The following PRR14L variants were observed in gnomAD, a reference collection of about 807,000 sequenced individuals.
PRR14L encodes protein PRR14L.
PRR14L carries 80 observed loss-of-function variants against 155.0 expected under a neutral mutation model. The ratio of observed to expected loss-of-function variants is 0.52; its 90% confidence interval spans 0.43 to 0.62. The LOEUF (loss-of-function observed/expected upper bound fraction) is 0.62, where lower values mean the gene tolerates loss of function less well. PRR14L is among the 20% of genes least tolerant of loss of function. The pLI is 0.00. For synonymous variants in PRR14L, 883 were observed against 916.0 expected (o/e 0.96, Z 0.65); for missense variants, 2,469 against 2,548.0 (o/e 0.97, Z 0.67).
rs778721130 is a variant in PRR14L at position 31,712,853 on chromosome 22, T to C, written c.4986A>G (p.Gly1662=). 2.3e-5 allele frequency: 35 copies of C among 1,551,896 alleles called. No individual in the cohort carries two copies. The South Asian group carries it at 3.9e-4, about 17-fold the overall frequency. ...KRLRYKRLLD[G]FSSSTEQLNP... ...TCAGCTGCTCTGTGCTGGATGAAAA[T>C]CCGTCCAGGAGTCTTTTATATCTGA... Residue 1662 remains glycine, a synonymous_variant, in exon 4 of 9, where the codon GGA becomes GGG. Coordinates refer to ENST00000327423, the MANE Select transcript of PRR14L (RefSeq NM_173566.3).
chr22:31,737,340 G>A (rs753344795), intron 2 of PRR14L, among the ~76,000 whole-genome samples: 1 of 151,942 alleles, frequency 6.6e-6, no homozygotes, highest in African/African-American at 2.4e-5. Context: ...AATTAGCCGG[G>A]CGTAATGGTA....
rs1479232095 is a variant in PRR14L at position 31,685,822 on chromosome 22, A to G, written c.6180-19T>C. On this transcript the variant is annotated intron_variant, in intron 8 of 8. Transcript: ENST00000327423. The stretch of plus-strand genomic sequence containing the variant: ...TAAACACCTAAGGATGAAGCACGAA[A>G]CAATCACCAACAGACTGACTCACAT... 1 of 1,547,914 alleles carries G rather than the reference A, an allele frequency of 6.5e-7. No homozygotes were observed. Among genetic ancestry groups the G allele is most frequent in the Admixed American group, 2.0e-5 (1 of 50,848 alleles).
chr22:31,726,169 G>A (rs2074715628), intron 2 of PRR14L, among the ~76,000 whole-genome samples: 1 of 151,612 alleles, frequency 6.6e-6, no homozygotes, highest in Non-Finnish European at 1.5e-5. Flanking sequence ...AGAGGCAGAG[G>A]TTGCAGTGAG....
At position 31,713,072 on chromosome 22, in the gene PRR14L, G is replaced by T; in HGVS notation, c.4767C>A (p.His1589Gln). ...ACGGTGTAGACATCTGCTTTGGTATGTGACTAACCAAGCTCTTGGTAGGTG... is the reference window on the plus strand; with the variant it reads ...ACGGTGTAGACATCTGCTTTGGTATTTGACTAACCAAGCTCTTGGTAGGTG... ...ETAPTKSLVS[H>Q]IPKQMSTPCH... Residue 1589 changes from histidine (H) to glutamine (Q), a missense_variant, in exon 4 of 9, where the codon CAC becomes CAA. His to Gln is a conservative substitution (Grantham distance 24, BLOSUM62 0). This residue lies in a region of PRR14L where 2,363 missense variants were observed against 2,371.6 expected (regional missense o/e 1.00). Coordinates refer to ENST00000327423, the MANE Select transcript of PRR14L (RefSeq NM_173566.3). 1.9e-6 allele frequency: 3 copies of T among 1,552,352 alleles called. No homozygotes were observed. Among genetic ancestry groups the T allele is most frequent in the Non-Finnish European group, 1.7e-6 (2 of 1,147,138 alleles).
chr22:31,715,804 G>T lies in PRR14L; in HGVS notation c.2035C>A (p.Pro679Thr), dbSNP rs758007557. The T allele has an allele frequency of 1.3e-6, 2 of 1,551,702 alleles. No homozygotes were observed. The highest frequency in any genetic ancestry group is 1.7e-4 in the Middle Eastern group (1 of 5,992). The change falls in exon 4 of 9, where the codon CCT becomes ACT. Residue 679 changes from proline to threonine, a missense_variant. Pro to Thr is a conservative substitution (Grantham distance 38). Around this residue, in one of 2 missense-constraint regions of PRR14L, gnomAD observed 2,363 missense variants for 2,371.6 expected, o/e 1.00. Transcript: ENST00000327423. ...TGGGCATCTCTGCCTGTTGCTAAAGGCATCTCTTTGTTTAAATGCAGTAGA... is the reference window on the plus strand; with the variant it reads ...TGGGCATCTCTGCCTGTTGCTAAAGTCATCTCTTTGTTTAAATGCAGTAGA... Reference protein sequence around the residue: ...DSLLHLNKEMPLATGRDAHQS... With the variant: ...DSLLHLNKEMTLATGRDAHQS...
At chr22:31,727,192 C>G (rs1301600434) in intron 2 of PRR14L, among the ~76,000 whole-genome samples, 1 of 151,938 alleles carries the variant, frequency 6.6e-6, no homozygotes, top group African/African-American at 2.4e-5. Context: ...GTGCCAAGCC[C>G]ACTGTTTCGA....
chr22:31,729,154 T>C (rs1184865040), intron 2 of PRR14L, among the ~76,000 whole-genome samples: 1 of 152,262 alleles, frequency 6.6e-6, no homozygotes, highest in Non-Finnish European at 1.5e-5. Context: ...TGTTCTAAGA[T>C]AGTTCACCCT....
intron 8 of PRR14L, 138 bp from the exon 9 acceptor site, chr22:31,685,941 C>G (rs1042354630): frequency 5.1e-6 from 4 of 785,386 alleles, no homozygotes; most frequent in Non-Finnish European, 8.0e-6. Context: ...AACTCTTTTT[C>G]TTTTTTTTGT....
chr22:31,727,125 G>A (rs147892858), intron 2 of PRR14L, among the ~76,000 whole-genome samples: 4 of 152,194 alleles, frequency 2.6e-5, no homozygotes, highest in Admixed American at 6.5e-5. Context: ...ATTTTGCTTC[G>A]TCCCACTTGT....
Position 31,715,581 on chromosome 22 carries a change from G to C in PRR14L, c.2258C>G (p.Ala753Gly), listed in dbSNP as rs954751120. 38 of 1,552,014 alleles carry C rather than the reference G, an allele frequency of 2.4e-5. No homozygotes were observed. The highest frequency in any genetic ancestry group is 3.3e-5 in the Non-Finnish European group (38 of 1,147,054). ...KKEMADSGTK[A>G]LHSRLRSNKR... Reference sequence around the variant, plus strand: ...ATTTGAGCGCAGCCTGGAATGTAGAGCTTTTGTTCCTGAATCAGCCATTTC... The same window carrying C: ...ATTTGAGCGCAGCCTGGAATGTAGACCTTTTGTTCCTGAATCAGCCATTTC... Residue 753 changes from alanine (A) to glycine (G), a missense_variant, in exon 4 of 9, where the codon GCT (alanine) becomes GGT (glycine). Ala to Gly is a moderately conservative substitution (Grantham distance 60). This residue lies in a region of PRR14L where 2,363 missense variants were observed against 2,371.6 expected (regional missense o/e 1.00). Coordinates refer to ENST00000327423, the MANE Select transcript of PRR14L (RefSeq NM_173566.3).
chr22:31,738,167 C>T (rs1424731570), intron 2 of PRR14L, among the ~76,000 whole-genome samples: 2 of 152,194 alleles, frequency 1.3e-5, no homozygotes, highest in African/African-American at 4.8e-5. Context: ...ACAGTCGCTG[C>T]TTCAGAGAAC....
Position 31,715,042 on chromosome 22 carries a change from C to T in PRR14L, c.2797G>A (p.Val933Ile). The T allele has an allele frequency of 6.4e-7, 1 of 1,551,750 alleles. No homozygotes were observed. Among genetic ancestry groups the T allele is most frequent in the Non-Finnish European group, 8.7e-7 (1 of 1,146,858 alleles). The change falls in exon 4 of 9, where the codon GTA becomes ATA. Residue 933 changes from valine to isoleucine, a missense_variant. Val to Ile is a conservative substitution (Grantham distance 29). Coordinates refer to ENST00000327423, the MANE Select transcript of PRR14L (RefSeq NM_173566.3). ...DHAIQELNQT[V>I]NIPGPEKVLD... ...ACTTTTTCAGGACCTGGAATGTTTACAGTCTGGTTTAGTTCTTGTATAGCA... is the reference window on the plus strand; with the variant it reads ...ACTTTTTCAGGACCTGGAATGTTTATAGTCTGGTTTAGTTCTTGTATAGCA...
Position 31,701,679 on chromosome 22 carries a change from G to A in PRR14L, c.6084C>T (p.Pro2028=), listed in dbSNP as rs749882421. 3.8e-5 allele frequency: 61 copies of A among 1,612,712 alleles called. No homozygotes were observed. The highest frequency in any genetic ancestry group is 1.3e-5 in the African/African-American group (1 of 74,846). The change falls in exon 7 of 9, where the codon CCC becomes CCT. Residue 2028 remains proline, a synonymous_variant. Transcript: ENST00000327423. Reference sequence around the variant, plus strand: ...ACCTTTTGGGTCGAGGAAGGCCCATGGGGGTAAGATTAGGATCTGGCCTAG... The same window carrying A: ...ACCTTTTGGGTCGAGGAAGGCCCATAGGGGTAAGATTAGGATCTGGCCTAG... ...TIPRPDPNLT[P]MGLPRPKRLK...
Position 31,715,555 on chromosome 22 carries a change from T to G in PRR14L, c.2284A>C (p.Lys762Gln), listed in dbSNP as rs560944302. 1.3e-6 allele frequency: 2 copies of G among 1,552,108 alleles called. No individual in the cohort carries two copies. Among genetic ancestry groups the G allele is most frequent in the East Asian group, 2.4e-5 (1 of 40,926 alleles). The stretch of plus-strand genomic sequence containing the variant: ...TGAGGAAAGCCAGCTGCTTCTCTCT[T>G]ATTTGAGCGCAGCCTGGAATGTAGA... ...KALHSRLRSN[K>Q]REAAGFPQVV... The change falls in exon 4 of 9, where the codon AAG becomes CAG. Residue 762 changes from lysine to glutamine, a missense_variant. By Grantham distance (53) the Lys-to-Gln change is moderately conservative. Around this residue, in one of 2 missense-constraint regions of PRR14L, gnomAD observed 2,363 missense variants for 2,371.6 expected, o/e 1.00. Transcript: ENST00000327423.
At position 31,738,675 on chromosome 22, in the gene PRR14L, T is replaced by C. The variant is rs752745781; in HGVS notation, c.186A>G (p.Ala62=). ...ASSSLLSQNR[A]LPLELQRTHV... is the part of the protein sequence containing the mutation. ...GAGTCCTCTGCAGCTCCAAGGGCAA[T>C]GCCCTATTCTGACTTAAAAGAGAGC... Residue 62 remains alanine (A), a synonymous_variant, in exon 2 of 9, where the codon GCA becomes GCG. Transcript: ENST00000327423. 6.4e-7 allele frequency: 1 copy of C among 1,552,046 alleles called. No individual in the cohort carries two copies. The highest frequency in any genetic ancestry group is 1.2e-5 in the South Asian group (1 of 84,066).
chr22:31,704,714 T>A lies in PRR14L; in HGVS notation c.5769A>T (p.Leu1923Phe). 6.2e-7 allele frequency: 1 copy of A among 1,613,976 alleles called. No individual in the cohort carries two copies. The highest frequency in any genetic ancestry group is 8.5e-7 in the Non-Finnish European group (1 of 1,179,906). ...SLGTTSSHTM[L>F]PYVPLPGMEA... ...CCATGCCTGGAAGAGGCACATATGG[T>A]AACATGGTGTGGCTAAAGTAAAGCA... The change falls in exon 5 of 9, where the codon TTA becomes TTT. Residue 1923 changes from leucine (L) to phenylalanine (F), a missense_variant. Physicochemically the swap from Leu to Phe is conservative, Grantham distance 22 (BLOSUM62 0). This residue lies in a region of PRR14L where 2,363 missense variants were observed against 2,371.6 expected (regional missense o/e 1.00). Transcript: ENST00000327423.
At position 31,712,509 on chromosome 22, in the gene PRR14L, G is replaced by A. The variant is rs1325630358; in HGVS notation, c.5330C>T (p.Thr1777Ile). ...ATGGACGCCAGTGTCTTCCCTGAAT[G>A]TTGCCATCCCAGGGCAACCGTGGGA... ...FLSHGCPGMATFREDTGVHSQ... is the reference protein window; with the variant it reads ...FLSHGCPGMAIFREDTGVHSQ... Residue 1777 changes from threonine to isoleucine, a missense_variant, in exon 4 of 9, where the codon ACA becomes ATA. By Grantham distance (89) the Thr-to-Ile change is moderately conservative. Transcript: ENST00000327423. 1.3e-6 allele frequency: 2 copies of A among 1,551,838 alleles called. No individual in the cohort carries two copies. Among genetic ancestry groups the A allele is most frequent in the African/African-American group, 2.7e-5 (2 of 73,060 alleles).
At chr22:31,698,888 C>G (rs2074549115) in intron 7 of PRR14L, among the ~76,000 whole-genome samples, 1 of 151,214 alleles carries the variant, frequency 6.6e-6, no homozygotes, top group East Asian at 2.0e-4. Context: ...TGCCACTGCA[C>G]TCTAGCCTGG....
rs111967176 is a variant in PRR14L at position 31,711,641 on chromosome 22, G to A, written c.5756+442C>T. 8.9e-3 allele frequency among the ~76,000 whole-genome samples: 1,336 copies of A among 150,958 alleles called. 18 individuals are homozygous for A. The highest frequency in any genetic ancestry group is 0.029 in the African/African-American group (1,209 of 41,082). Reference sequence around the variant, plus strand: ...TACTAAAAAATACAAAAACTTAGCCGGGTGTGGTGGCGCATGCCTGTAATC... The same window carrying A: ...TACTAAAAAATACAAAAACTTAGCCAGGTGTGGTGGCGCATGCCTGTAATC... On this transcript the variant is annotated intron_variant, in intron 4 of 8. Coordinates refer to ENST00000327423, the MANE Select transcript of PRR14L (RefSeq NM_173566.3).
Sources: gnomAD v4.1 joint callset for allele counts (sites outside exome capture counted in the v4.1 genomes callset) on GRCh38, gnomAD v4.1.1 for gene constraint, gnomAD v4.1.1 regional missense constraint, MANE v1.5 for transcripts, NCBI Gene and HGNC (gene_info 2026-07-23, HGNC 2026-07-21) for gene names.